THSD7A: variants seen among roughly 807,000 people sequenced by gnomAD.
THSD7A encodes thrombospondin type-1 domain-containing protein 7A.
THSD7A carries 96 observed loss-of-function variants against 231.3 expected under a neutral mutation model. The ratio of observed to expected loss-of-function variants is 0.41; its 90% CI spans 0.35 to 0.49. THSD7A has a LOEUF of 0.49. Ranked by LOEUF, THSD7A falls within the 20% of genes least tolerant of loss-of-function variation. The pLI is 0.05. For missense variants in THSD7A, 2,290 were observed against 2,070.2 expected, an observed-to-expected ratio of 1.11 and a Z score of -2.06; for synonymous variants, 940 against 743.3, an observed-to-expected ratio of 1.26 and a Z score of -4.30.
intron 4 of THSD7A, among the ~76,000 whole-genome samples, chr7:11,572,893 G>A (rs1790708655): frequency 6.6e-6 from 1 of 151,942 alleles, no homozygotes; most frequent in East Asian, 1.9e-4. Context: ...TTCATGTGTA[G>A]TAACTTTTTA....
chr7:11,747,496 G>C (rs1286211943), intron 1 of THSD7A, among the ~76,000 whole-genome samples: 1 of 151,870 alleles, frequency 6.6e-6, no homozygotes, highest in Non-Finnish European at 1.5e-5. Flanking sequence ...ATGTAATTTA[G>C]TTTTCTTAAT....
intron 1 of THSD7A, among the ~76,000 whole-genome samples, chr7:11,721,015 G>A (rs1351503362): frequency 2.6e-5 from 4 of 151,566 alleles, no homozygotes; most frequent in South Asian, 2.1e-4. Context: ...CTTTGATTAC[G>A]GTGCATTTGT....
intron 13 of THSD7A, among the ~76,000 whole-genome samples, chr7:11,434,616 T>C (rs1784575177): frequency 6.6e-6 from 1 of 152,142 alleles, no homozygotes; most frequent in Non-Finnish European, 1.5e-5. Flanking sequence ...TCTGGCATTC[T>C]CTCTGAAACA....
chr7:11,704,067 G>C (rs1780687355), intron 1 of THSD7A, among the ~76,000 whole-genome samples: 1 of 151,164 alleles, frequency 6.6e-6, no homozygotes, highest in Non-Finnish European at 1.5e-5. Flanking sequence ...GCTATACACA[G>C]AGTAAGTATT....
chr7:11,686,966 A>G (rs1780076919), intron 1 of THSD7A, among the ~76,000 whole-genome samples: 1 of 151,922 alleles, frequency 6.6e-6, no homozygotes, highest in Non-Finnish European at 1.5e-5. Flanking sequence ...CTCTGAATCT[A>G]ACATGAAAAT....
intron 2 of THSD7A, among the ~76,000 whole-genome samples, chr7:11,617,550 A>C (rs775054687): frequency 3.3e-5 from 5 of 152,360 alleles, no homozygotes; most frequent in Non-Finnish European, 5.9e-5. Context: ...ACGGAGACCT[A>C]GGATAGATAA....
At chr7:11,770,884 TA>T (rs1292557297) in intron 1 of THSD7A, among the ~76,000 whole-genome samples, 10 of 151,926 alleles carry the variant, frequency 6.6e-5, no homozygotes, top group African/African-American at 2.4e-5. Flanking sequence ...TTTTACTTTT[TA>T]AAAAATCAAA....
At chr7:11,768,908 C>T (rs1783116097) in intron 1 of THSD7A, among the ~76,000 whole-genome samples, 1 of 150,776 alleles carries the variant, frequency 6.6e-6, no homozygotes, top group African/African-American at 2.4e-5. Context: ...TGCTTTCAAA[C>T]ACATAGCCTA....
chr7:11,512,883 G>A (rs190227351), intron 6 of THSD7A, among the ~76,000 whole-genome samples: 7 of 143,396 alleles, frequency 4.9e-5, no homozygotes, highest in South Asian at 2.2e-4. Context: ...CATACGTAAC[G>A]AATCTGCACA....
At chr7:11,663,486 T>G (rs934228981) in intron 1 of THSD7A, among the ~76,000 whole-genome samples, 5 of 151,564 alleles carry the variant, frequency 3.3e-5, no homozygotes, top group African/African-American at 4.8e-5. Context: ...CATGATAATT[T>G]AACTTCAAAA....
intron 11 of THSD7A, 92 bp from the exon 12 acceptor site, chr7:11,447,516 G>C: frequency 8.9e-7 from 1 of 1,121,910 alleles, no homozygotes; most frequent in African/African-American, 1.6e-5. Flanking sequence ...TAAGCAGTCA[G>C]AGAAAGCCTC....
chr7:11,457,797 T>C (rs1447379572), intron 11 of THSD7A, among the ~76,000 whole-genome samples: 1 of 152,120 alleles, frequency 6.6e-6, no homozygotes, highest in African/African-American at 2.4e-5. Flanking sequence ...GCTTATAGAA[T>C]TGATCTTATC....
At chr7:11,702,715 A>G (rs749055642) in intron 1 of THSD7A, among the ~76,000 whole-genome samples, 3 of 151,156 alleles carry the variant, frequency 2.0e-5, no homozygotes, top group African/African-American at 4.8e-5. Context: ...CAAATTAAAT[A>G]ATTATTTGTG....
At position 11,458,692 on chromosome 7, in the gene THSD7A, C is replaced by G. The variant is rs916352683; in HGVS notation, c.2605+1970G>C. Among the ~76,000 whole-genome samples the G allele has an allele frequency of 1.1e-4, 17 of 152,082 alleles. 1 individual carries two copies. Among genetic ancestry groups the G allele is most frequent in the Admixed American group, 9.8e-4 (15 of 15,246 alleles). On this transcript the variant is annotated intron_variant, in intron 11 of 27. Coordinates refer to ENST00000423059, the MANE Select transcript of THSD7A (RefSeq NM_015204.3). ...TCGCACACTGAAGATGCTAAAGACC[C>G]TTTTATCACAGAGGGAGTGGGTAAC...
chr7:11,486,157 T>G (rs1271066746), intron 6 of THSD7A, among the ~76,000 whole-genome samples: 16 of 152,188 alleles, frequency 1.1e-4, no homozygotes, highest in Admixed American at 9.8e-4. Flanking sequence ...TAAGGTTAAT[T>G]GAATCTTACT....
Position 11,428,985 on chromosome 7 carries a change from C to T in THSD7A, c.3205G>A (p.Gly1069Arg). The change falls in exon 14 of 28, where the codon GGA becomes AGA. Residue 1069 changes from glycine to arginine, a missense_variant. Physicochemically the swap from Gly to Arg is moderately radical, Grantham distance 125. Coordinates refer to ENST00000423059, the MANE Select transcript of THSD7A (RefSeq NM_015204.3). The part of the protein sequence containing the change: ...SKWLREKPYN[G>R]GRPCPKLDHV... ...TCCAGTTTGGGGCAAGGCCTTCCTCCATTATATGGTTTTTCACGCAGCCAT... is the reference window on the plus strand; with the variant it reads ...TCCAGTTTGGGGCAAGGCCTTCCTCTATTATATGGTTTTTCACGCAGCCAT... 2 of 1,612,384 alleles carry T rather than the reference C, an allele frequency of 1.2e-6. No individual in the cohort carries two copies. Among genetic ancestry groups the T allele is most frequent in the Middle Eastern group, 1.7e-4 (1 of 6,056 alleles).
chr7:11,596,794 A>G (rs1434093276), intron 2 of THSD7A, among the ~76,000 whole-genome samples: 1 of 152,230 alleles, frequency 6.6e-6, no homozygotes, highest in African/African-American at 2.4e-5. Flanking sequence ...TGCAGCTGCT[A>G]TACCAGATGT....
intron 1 of THSD7A, among the ~76,000 whole-genome samples, chr7:11,681,694 A>G (rs1017647293): frequency 6.6e-6 from 1 of 152,086 alleles, no homozygotes; most frequent in Non-Finnish European, 1.5e-5. Flanking sequence ...ATCGTTCAGG[A>G]TATAATGCAT....
chr7:11,705,004 C>A (rs1046915066), intron 1 of THSD7A, among the ~76,000 whole-genome samples: 1 of 150,984 alleles, frequency 6.6e-6, no homozygotes, highest in African/African-American at 2.4e-5. Context: ...TCAGTTGACA[C>A]GTCAGAACTA....
Sources: allele counts gnomAD v4.1 joint callset (sites outside exome capture counted in the v4.1 genomes callset), GRCh38; gene constraint gnomAD v4.1.1; transcripts MANE v1.5; gene names NCBI Gene and HGNC (gene_info 2026-07-23, HGNC 2026-07-21).